B3GAT2: variants seen among roughly 807,000 people sequenced by gnomAD.
B3GAT2 encodes galactosylgalactosylxylosylprotein 3-beta-glucuronosyltransferase 2.
Under a neutral mutation model 27.8 loss-of-function variants are expected in B3GAT2, and 26 were observed. The observed-to-expected ratio is 0.93, with a 90% CI of 0.68 to 1.30. The LOEUF (loss-of-function observed/expected upper bound fraction) is 1.30, where lower values mean the gene tolerates loss of function less well. B3GAT2 is among the 50% of genes most tolerant of loss of function. The pLI, the probability that B3GAT2 is intolerant of heterozygous loss-of-function variation, is 0.00. For synonymous variants in B3GAT2, 218 were observed against 195.1 expected (o/e 1.12, Z -0.98); for missense variants, 458 against 459.0 (o/e 1.00, Z 0.02).
In B3GAT2 at chr6:70,858,809, AT is replaced by A. The variant is rs1283260121; in HGVS notation, c.*2853del. ...GTTGTATTTTCTTTTTACATACCCT[AT>A]AATGACTTTTATGTTTAAAAAGAGT... On this transcript the variant is annotated 3_prime_UTR_variant, in exon 4 of 4. Coordinates refer to ENST00000230053, the MANE Select transcript of B3GAT2 (RefSeq NM_080742.3). 1 of 152,912 alleles carries A rather than the reference AT, an allele frequency of 6.5e-6. No homozygotes were observed. The highest frequency in any genetic ancestry group is 1.5e-5 in the Non-Finnish European group (1 of 68,554). The allele number at this position is 152,912 out of a possible 1,614,324, so 9.5% of individuals were successfully genotyped here.
At chr6:70,905,490 T>G (rs1582371183) in intron 1 of B3GAT2, among the ~76,000 whole-genome samples, 1 of 152,268 alleles carries the variant, frequency 6.6e-6, no homozygotes, top group South Asian at 2.1e-4. Context: ...TGCACAAAAC[T>G]GCTGCAGATT....
At position 70,926,039 on chromosome 6, in the gene B3GAT2, A is replaced by C. The variant is rs559943715; in HGVS notation, c.591+29800T>G. 2.0e-5 allele frequency among the ~76,000 whole-genome samples: 3 copies of C among 152,330 alleles called. No individual in the cohort carries two copies. The South Asian group carries it at 6.2e-4, about 32-fold the overall frequency. On this transcript the variant is annotated intron_variant, in intron 1 of 3. Transcript: ENST00000230053. ...TGACACCCAGGCAAACAGCGTCTGG[A>C]GTAGACCTCCAGCAAACTCCAAAAG...
chr6:70,932,416 G>T (rs1327694278), intron 1 of B3GAT2, among the ~76,000 whole-genome samples: 1 of 152,126 alleles, frequency 6.6e-6, no homozygotes, highest in African/African-American at 2.4e-5. Flanking sequence ...AGAGATGAAT[G>T]GATAAGCAAA....
intron 1 of B3GAT2, among the ~76,000 whole-genome samples, chr6:70,918,827 AT>A (rs1772819571): frequency 6.6e-6 from 1 of 151,738 alleles, no homozygotes; most frequent in Non-Finnish European, 1.5e-5. Flanking sequence ...TGCCCTTAAC[AT>A]TTTTTCCTTC....
intron 1 of B3GAT2, among the ~76,000 whole-genome samples, chr6:70,934,111 G>C (rs1281341788): frequency 6.6e-6 from 1 of 152,208 alleles, no homozygotes; most frequent in African/African-American, 2.4e-5. Context: ...CTTTGGCTCA[G>C]TCAGGCCTAG....
chr6:70,898,855 T>G (rs1772438530), intron 1 of B3GAT2, among the ~76,000 whole-genome samples: 1 of 151,976 alleles, frequency 6.6e-6, no homozygotes, highest in African/African-American at 2.4e-5. Flanking sequence ...TCCAGCTACT[T>G]GGGAGGCTGA....
In B3GAT2 at chr6:70,861,570, A is replaced by AACAAT; in HGVS notation, c.*88_*92dup. ...AAGGCTGCTGTACTGAAGTAAAACA[A>AACAAT]ACAATACCTGAATGCTCTGTAGCCT... is the stretch of plus-strand genomic sequence containing the variant. On this transcript the variant is annotated 3_prime_UTR_variant, in exon 4 of 4. Coordinates refer to ENST00000230053, the MANE Select transcript of B3GAT2 (RefSeq NM_080742.3). The AACAAT allele has an allele frequency of 8.4e-7, 1 of 1,186,010 alleles. No individual in the cohort carries two copies. The highest frequency in any genetic ancestry group is 1.2e-6 in the Non-Finnish European group (1 of 820,154). 73.5% of individuals were successfully genotyped at this position (1,186,010 alleles called of 1,614,324 possible).
intron 1 of B3GAT2, among the ~76,000 whole-genome samples, chr6:70,944,797 G>A (rs1039765465): frequency 2.8e-4 from 43 of 152,170 alleles, no homozygotes; most frequent in Non-Finnish European, 5.3e-4. Flanking sequence ...CCTGACCCCC[G>A]AGCAGCCTAA....
At chr6:70,928,395 A>G (rs570022799) in intron 1 of B3GAT2, among the ~76,000 whole-genome samples, 16 of 152,150 alleles carry the variant, frequency 1.1e-4, no homozygotes, top group Non-Finnish European at 1.6e-4. Context: ...CAATGAATCT[A>G]GGAATTGGTT....
chr6:70,868,366 G>A (rs1465854379), intron 2 of B3GAT2, among the ~76,000 whole-genome samples: 1 of 152,146 alleles, frequency 6.6e-6, no homozygotes, highest in African/African-American at 2.4e-5. Context: ...AAGAAGTACA[G>A]CAAGCCTCCT....
intron 1 of B3GAT2, among the ~76,000 whole-genome samples, chr6:70,940,069 G>T (rs1369009212): frequency 1.3e-5 from 2 of 151,962 alleles, no homozygotes; most frequent in Non-Finnish European, 2.9e-5. Context: ...AGGGTACAGG[G>T]TCTGTGGAGA....
intron 2 of B3GAT2, among the ~76,000 whole-genome samples, chr6:70,890,073 T>C (rs1364373635): frequency 2.6e-5 from 4 of 152,100 alleles, no homozygotes; most frequent in Non-Finnish European, 5.9e-5. Context: ...TTAGCTACCA[T>C]GCCCGTCCAG....
At chr6:70,900,658 G>C (rs371511034) in intron 1 of B3GAT2, among the ~76,000 whole-genome samples, 1 of 152,032 alleles carries the variant, frequency 6.6e-6, no homozygotes, top group Non-Finnish European at 1.5e-5. Flanking sequence ...CGTTCTTTTC[G>C]ACCCTCCTTG....
At chr6:70,889,202 T>C (rs753794223) in intron 2 of B3GAT2, among the ~76,000 whole-genome samples, 1 of 152,170 alleles carries the variant, frequency 6.6e-6, no homozygotes, top group Non-Finnish European at 1.5e-5. Context: ...GGTGAACCTG[T>C]CCATCTAAGG....
Position 70,863,672 on chromosome 6 carries a change from T to C in B3GAT2, c.737-1694A>G, listed in dbSNP as rs183735859. 9.4e-3 allele frequency among the ~76,000 whole-genome samples: 1,409 copies of C among 149,826 alleles called. 19 individuals are homozygous for C. Among genetic ancestry groups the C allele is most frequent in the African/African-American group, 0.033 (1,310 of 39,230 alleles). On this transcript the variant is annotated intron_variant, in intron 2 of 3. Coordinates refer to ENST00000230053, the MANE Select transcript of B3GAT2 (RefSeq NM_080742.3). ...GAAGTGTAACACTTCAACTCAATGTTTGATGAAAAATTGAGGTATGGAAAG... is the reference window on the plus strand; with the variant it reads ...GAAGTGTAACACTTCAACTCAATGTCTGATGAAAAATTGAGGTATGGAAAG...
At chr6:70,945,654 T>C (rs907548417) in intron 1 of B3GAT2, among the ~76,000 whole-genome samples, 2 of 149,196 alleles carry the variant, frequency 1.3e-5, no homozygotes, top group African/African-American at 5.0e-5. Flanking sequence ...CTCGGCACGA[T>C]ATTATCCAGG....
chr6:70,867,297 T>C (rs1771866528), intron 2 of B3GAT2, among the ~76,000 whole-genome samples: 1 of 151,628 alleles, frequency 6.6e-6, no homozygotes, highest in Non-Finnish European at 1.5e-5. Flanking sequence ...CCAAAGTAAA[T>C]GGAGAAAACG....
At chr6:70,892,138 A>C (rs1435499764) in intron 2 of B3GAT2, among the ~76,000 whole-genome samples, 1 of 152,218 alleles carries the variant, frequency 6.6e-6, no homozygotes, top group African/African-American at 2.4e-5. Flanking sequence ...GAAATAATTC[A>C]TATCTTATTA....
chr6:70,936,603 T>A (rs1562234235), intron 1 of B3GAT2, among the ~76,000 whole-genome samples: 1 of 151,892 alleles, frequency 6.6e-6, no homozygotes, highest in Admixed American at 6.6e-5. Context: ...AGAAACTCAC[T>A]CAAAACCGCT....
Sources: allele counts gnomAD v4.1 joint callset (sites outside exome capture counted in the v4.1 genomes callset), GRCh38; gene constraint gnomAD v4.1.1; transcripts MANE v1.5; gene names NCBI Gene and HGNC (gene_info 2026-07-23, HGNC 2026-07-21).